The following SPTBN5 variants were observed in gnomAD, a reference collection of about 807,000 sequenced individuals.
SPTBN5 encodes the protein spectrin beta, non-erythrocytic 5.
A neutral mutation model predicts 477.6 loss-of-function variants in SPTBN5; 513 were observed. The observed-to-expected ratio is 1.07, with a 90% confidence interval of 1.00 to 1.16. The LOEUF (loss-of-function observed/expected upper bound fraction) is 1.16. SPTBN5 is among the 50% of genes most tolerant of loss of function. The probability of loss-of-function intolerance (pLI) is 0.00; values close to 1 mark genes in which losing one functional copy is unlikely to be tolerated. For missense variants in SPTBN5, 5,062 were observed against 4,731.8 expected (o/e 1.07, Z -2.05); for synonymous variants, 2,169 against 2,011.7 (o/e 1.08, Z -2.09).
Position 41,879,786 on chromosome 15 carries a change from A to T in SPTBN5, c.2890T>A (p.Tyr964Asn). The T allele has an allele frequency of 6.2e-7, 1 of 1,613,988 alleles. No homozygotes were observed. Among genetic ancestry groups the T allele is most frequent in the Middle Eastern group, 1.7e-4 (1 of 6,058 alleles). Residue 964 changes from tyrosine to asparagine, a missense_variant, in exon 15 of 68, where the codon TAT becomes AAT. Transcript: ENST00000320955. ...TGGATTTGTGTGGAGTTCCCAGGAT[A>T]TCTCTGCCTCAGTTGCTCAGCAGAG... ...SSSAEQLRQRYPGNSTQIQRQ... is the reference protein window; with the variant it reads ...SSSAEQLRQRNPGNSTQIQRQ...
At chr15:41,879,897 G>C in intron 14 of SPTBN5, 33 bp from the exon 15 acceptor site, 8 of 1,612,548 alleles carry the variant, frequency 5.0e-6, no homozygotes, top group Non-Finnish European at 6.8e-6. Flanking sequence ...CCTCTTGGGG[G>C]ACTTTTTCTC....
rs1801917887 is a variant in SPTBN5 at position 41,854,904 on chromosome 15, T to C, written c.9496A>G (p.Arg3166Gly). 4 of 1,608,592 alleles carry C rather than the reference T, an allele frequency of 2.5e-6. No homozygotes were observed. The highest frequency in any genetic ancestry group is 1.3e-5 in the African/African-American group (1 of 74,702). Residue 3166 changes from arginine to glycine, a missense_variant, in exon 56 of 68, where the codon AGG (arginine) becomes GGG (glycine). By Grantham distance (125) the Arg-to-Gly change is moderately radical. Coordinates refer to ENST00000320955, the MANE Select transcript of SPTBN5 (RefSeq NM_016642.4). ...CGCTCCAGGGTGCCTGCCAACTTCCTCAGGGCATACACCTTGGCCTGGCCC... is the reference window on the plus strand; with the variant it reads ...CGCTCCAGGGTGCCTGCCAACTTCCCCAGGGCATACACCTTGGCCTGGCCC... The part of the protein sequence containing the change: ...SLGQAKVYAL[R>G]KLAGTLERGA...
chr15:41,883,268 C>T, intron 8 of SPTBN5, 40 bp from the exon 9 acceptor site: 1 of 1,603,838 alleles, frequency 6.2e-7, no homozygotes, highest in East Asian at 2.2e-5. Context: ...TCCCAAGGTG[C>T]TGGGTCCCTC....
In SPTBN5 at chr15:41,876,540, A is replaced by G. The variant is rs1474209343; in HGVS notation, c.3951+8T>C. 6.3e-7 allele frequency: 1 copy of G among 1,583,920 alleles called. No individual in the cohort carries two copies. Among genetic ancestry groups the G allele is most frequent in the South Asian group, 1.2e-5 (1 of 86,766 alleles). ...GAGGCGTCATGCGACCTGGGCCCAG[A>G]CCCTCACCTGGAGCTGGAGGGAAGC... is the stretch of plus-strand genomic sequence containing the variant. On this transcript the variant is annotated splice_region_variant and intron_variant, in intron 20 of 67. Transcript: ENST00000320955.
intron 43 of SPTBN5, 85 bp from the exon 44 acceptor site, chr15:41,862,377 C>T: frequency 2.0e-6 from 3 of 1,526,936 alleles, no homozygotes; most frequent in Non-Finnish European, 2.6e-6. Context: ...CCTTAATCCC[C>T]TCAACCACAG....
rs749113413 is a variant in SPTBN5 at position 41,857,663 on chromosome 15, G to A, written c.8274C>T (p.Ile2758=). 8 of 1,588,988 alleles carry A rather than the reference G, an allele frequency of 5.0e-6. No homozygotes were observed. Among genetic ancestry groups the A allele is most frequent in the Non-Finnish European group, 6.8e-6 (8 of 1,168,074 alleles). Residue 2758 remains isoleucine, a synonymous_variant, in exon 50 of 68, where the codon ATC becomes ATT. Coordinates refer to ENST00000320955, the MANE Select transcript of SPTBN5 (RefSeq NM_016642.4). ...LQGGHPASEA[I]QERLEELGAL... ...CTCCCAGCTCCTCCAGTCGCTCCTG[G>A]ATGGCCTCCGAGGCTGGGTGGCCCC...
intron 12 of SPTBN5, 79 bp downstream of exon 12, chr15:41,881,857 C>G: frequency 7.4e-7 from 1 of 1,358,128 alleles, no homozygotes; most frequent in Non-Finnish European, 9.7e-7. Flanking sequence ...CACAAAGGCC[C>G]TCCCATTTTT....
intron 39 of SPTBN5, among the ~76,000 whole-genome samples, chr15:41,864,649 T>A (rs890721382): frequency 6.6e-6 from 1 of 152,186 alleles, no homozygotes; most frequent in African/African-American, 2.4e-5. Context: ...GGCTTCTTGG[T>A]TGAAGAGAAG....
In SPTBN5 at chr15:41,874,504, G is replaced by C. The variant is rs954007586; in HGVS notation, c.4503-26C>G. The C allele has an allele frequency of 5.7e-6, 9 of 1,574,364 alleles. No homozygotes were observed. In the Admixed American group the frequency reaches 9.3e-5, roughly 16 times the overall value. On this transcript the variant is annotated intron_variant, in intron 23 of 67. Coordinates refer to ENST00000320955, the MANE Select transcript of SPTBN5 (RefSeq NM_016642.4). ...CTAGGAGGAGGAGGAAGAGATTGGA[G>C]AGGTTGGGAACAGAGTGAGCACAAG...
rs374745566 is a variant in SPTBN5, at chr15:41,869,867, G to A, written c.5827C>T (p.Arg1943Cys). ...GCCGTGCGGAAGCGGGCCAGGAGGC[G>A]TGCCCGCTCCAGCTGGGCCCTGCGC... ...EQRRAQLERA[R>C]LLARFRTAVR... The change falls in exon 32 of 68, where the codon CGC (arginine) becomes TGC (cysteine). Residue 1943 changes from arginine (R) to cysteine (C), a missense_variant. Arg to Cys is a radical substitution (Grantham distance 180, BLOSUM62 -3). Transcript: ENST00000320955. The A allele has an allele frequency of 2.6e-6, 4 of 1,558,838 alleles. No individual in the cohort carries two copies. Among genetic ancestry groups the A allele is most frequent in the East Asian group, 2.3e-5 (1 of 43,126 alleles).
At position 41,893,357 on chromosome 15, in the gene SPTBN5, C is replaced by T; in HGVS notation, c.141G>A (p.Lys47=). 1 of 1,614,018 alleles carries T rather than the reference C, an allele frequency of 6.2e-7. No homozygotes were observed. The highest frequency in any genetic ancestry group is 8.5e-7 in the Non-Finnish European group (1 of 1,179,900). The change falls in exon 2 of 68, where the codon AAG becomes AAA. Residue 47 remains lysine, a synonymous_variant. Transcript: ENST00000320955. ...DSQYETGHIR[K]LQARHMQMQE... Reference sequence around the variant, plus strand: ...GCATCTGCATGTGCCGGGCCTGTAGCTTGCGAATGTGGCCCGTCTCGTACT... The same window carrying T: ...GCATCTGCATGTGCCGGGCCTGTAGTTTGCGAATGTGGCCCGTCTCGTACT...
In SPTBN5 at chr15:41,857,573, C is replaced by T. The variant is rs2065963517; in HGVS notation, c.8364G>A (p.Glu2788=). 6.2e-7 allele frequency: 1 copy of T among 1,609,402 alleles called. No homozygotes were observed. The highest frequency in any genetic ancestry group is 1.7e-5 in the Admixed American group (1 of 59,588). The change falls in exon 50 of 68, where the codon GAG becomes GAA. Residue 2788 remains glutamate, a splice_region_variant and synonymous_variant. Coordinates refer to ENST00000320955, the MANE Select transcript of SPTBN5 (RefSeq NM_016642.4). ...CACCCCTCGGCCTGCACAACCTCACCTCACAGGCCTTCTGGAGCTTGGCCA... is the reference window on the plus strand; with the variant it reads ...CACCCCTCGGCCTGCACAACCTCACTTCACAGGCCTTCTGGAGCTTGGCCA... ...KKVAKLQKAC[E]ALRLRRSMEE... is the part of the protein sequence containing the mutation.
chr15:41,853,112 C>A, intron 59 of SPTBN5, 112 bp from the exon 60 acceptor site: 1 of 1,427,364 alleles, frequency 7.0e-7, no homozygotes, highest in Admixed American at 2.6e-5. Context: ...GCTGTGAGAC[C>A]CGCACCTGCC....
chr15:41,886,295 G>A lies in SPTBN5; in HGVS notation c.960C>T (p.Arg320=). The change falls in exon 7 of 68, where the codon CGC becomes CGT. Residue 320 remains arginine, a synonymous_variant. Coordinates refer to ENST00000320955, the MANE Select transcript of SPTBN5 (RefSeq NM_016642.4). ...QYEQLVADLL[R]WIAEKQMQLE... is the part of the protein sequence containing the mutation. ...GCTGCATCTGCTTCTCTGCAATCCA[G>A]CGTAGAAGGTCAGCCACCAGCTGCT... 2 of 1,613,316 alleles carry A rather than the reference G, an allele frequency of 1.2e-6. No homozygotes were observed. The highest frequency in any genetic ancestry group is 3.3e-4 in the Middle Eastern group (2 of 6,060).
intron 12 of SPTBN5, 25 bp from the exon 13 acceptor site, chr15:41,881,259 T>C: frequency 6.4e-7 from 1 of 1,571,610 alleles, no homozygotes; most frequent in Non-Finnish European, 8.6e-7. Flanking sequence ...GCAGCGCGTC[T>C]ACAGGCGACC....
intron 46 of SPTBN5, 147 bp downstream of exon 46, chr15:41,861,272 G>A: frequency 1.4e-6 from 1 of 697,106 alleles, no homozygotes; most frequent in African/African-American, 1.8e-5. Flanking sequence ...GTAAGTAACT[G>A]CCCAGTGACG....
Position 41,882,061 on chromosome 15 carries a change from C to A in SPTBN5, c.2332G>T (p.Ala778Ser). 6.4e-7 allele frequency: 1 copy of A among 1,564,418 alleles called. No homozygotes were observed. The highest frequency in any genetic ancestry group is 8.6e-7 in the Non-Finnish European group (1 of 1,166,866). ...LERASCGQDQ[A>S]AAETLLRRHV... ...CGCCTCAGCAGGGTCTCGGCGGCCG[C>A]CTGGTCCTGACCGCAGGACGCTCTC... The change falls in exon 12 of 68, where the codon GCG becomes TCG. Residue 778 changes from alanine to serine, a missense_variant. Physicochemically the swap from Ala to Ser is moderately conservative, Grantham distance 99. Transcript: ENST00000320955.
chr15:41,874,041 A>T lies in SPTBN5; in HGVS notation c.4694T>A (p.Leu1565His), dbSNP rs371965262. The T allele has an allele frequency of 2.8e-5, 44 of 1,591,166 alleles. No individual in the cohort carries two copies. Among genetic ancestry groups the T allele is most frequent in the Non-Finnish European group, 3.7e-5 (44 of 1,175,970 alleles). The change falls in exon 25 of 68, where the codon CTC (leucine) becomes CAC (histidine). Residue 1565 changes from leucine to histidine, a missense_variant. Transcript: ENST00000320955. ...CTGGTGAGCTTTTACCTCCACCTGG[A>T]GCTCCTGCCACAGAGTGGCTTGAGA... ...AQSLHRKHKE[L>H]QVEVKAHQGQ...
chr15:41,860,197 G>A (rs1238799505), intron 47 of SPTBN5, among the ~76,000 whole-genome samples: 1 of 152,224 alleles, frequency 6.6e-6, no homozygotes, highest in Non-Finnish European at 1.5e-5. Flanking sequence ...CCGAGAGGAG[G>A]AACTTGTCTG....
Sources: gnomAD v4.1 joint callset for allele counts (sites outside exome capture counted in the v4.1 genomes callset) on GRCh38, gnomAD v4.1.1 for gene constraint, MANE v1.5 for transcripts, NCBI Gene and HGNC (gene_info 2026-07-23, HGNC 2026-07-21) for gene names.